The following USP50 variants were observed in gnomAD, a reference collection of about 807,000 sequenced individuals.
USP50 encodes ubiquitin carboxyl-terminal hydrolase 50.
A neutral mutation model predicts 39.2 loss-of-function variants in USP50; 37 were observed. The ratio of observed to expected loss-of-function variants is 0.94; its 90% CI spans 0.73 to 1.24. The LOEUF (loss-of-function observed/expected upper bound fraction) is 1.24, where lower values mean the gene tolerates loss of function less well. USP50 is among the 50% of genes most tolerant of loss of function. The pLI is 0.00. For synonymous variants in USP50, 139 were observed against 144.5 expected (o/e 0.96, Z 0.27); for missense variants, 374 against 398.2 (o/e 0.94, Z 0.52).
At chr15:50,495,802 T>C (rs779094957), downstream of USP50, 2 of 1,439,158 alleles carry the variant, frequency 1.4e-6, no homozygotes, top group South Asian at 2.5e-5. Flanking sequence ...AATTTAAATG[T>C]TTTCTTTGAG....
At chr15:50,494,015 T>C (rs1173839897), downstream of USP50, 1 of 1,574,988 alleles carries the variant, frequency 6.3e-7, no homozygotes, top group Non-Finnish European at 8.7e-7. Flanking sequence ...TACTGTACCT[T>C]GCTTAACTTT....
chr15:50,493,081 G>A (rs1467552352), downstream of USP50: 11 of 763,700 alleles, frequency 1.4e-5, no homozygotes, highest in South Asian at 8.7e-5. Context: ...GAAGGCCATC[G>A]TCTAGGTGCC....
chr15:50,515,652 G>GTATATATA (rs35695423), intron 6 of USP50, among the ~76,000 whole-genome samples: 1 of 147,570 alleles, frequency 6.8e-6, no homozygotes, highest in African/African-American at 2.5e-5. Context: ...ATATATATGT[G>GTATATATA]TATATATATA....
At chr15:50,539,495 C>A (rs1411536069) in intron 4 of USP50, among the ~76,000 whole-genome samples, 1 of 151,410 alleles carries the variant, frequency 6.6e-6, no homozygotes, top group East Asian at 1.9e-4. Flanking sequence ...TGGCTCACTG[C>A]AACCTCCACC....
chr15:50,519,323 C>G (rs534540327), intron 6 of USP50, among the ~76,000 whole-genome samples: 15 of 151,952 alleles, frequency 9.9e-5, no homozygotes, highest in African/African-American at 3.4e-4. Flanking sequence ...AAAAAGTGTG[C>G]AAAGGACATG....
chr15:50,532,030 G>A, intron 5 of USP50: 1 of 431,256 alleles, frequency 2.3e-6, no homozygotes, highest in Non-Finnish European at 4.6e-6. Context: ...AAACTGCCGA[G>A]CAGAAACCTC....
In USP50 at chr15:50,538,860, G is replaced by GA. The variant is rs772292665; in HGVS notation, c.661-10dup. The GA allele has an allele frequency of 2.5e-6, 4 of 1,583,302 alleles. No individual in the cohort carries two copies. The highest frequency in any genetic ancestry group is 3.4e-6 in the Non-Finnish European group (4 of 1,167,240). On this transcript the variant is annotated splice_polypyrimidine_tract_variant and intron_variant, in intron 4 of 6. Transcript: ENST00000532404. ...AAACATTGGAGACAGTCCTGTTAAGGAAAAAAAGGATTTGGTGACCAAATT... is the reference window on the plus strand; with the variant it reads ...AAACATTGGAGACAGTCCTGTTAAGGAAAAAAAAGGATTTGGTGACCAAATT...
At position 50,545,636 on chromosome 15, in the gene USP50, A is replaced by G. The variant is rs181626642; in HGVS notation, c.53+837T>C. Among the ~76,000 whole-genome samples the G allele has an allele frequency of 3.3e-5, 5 of 149,540 alleles. No individual in the cohort carries two copies. In the Admixed American group the frequency reaches 3.5e-4, roughly 10 times the overall value. ...ATATGCACATTAAGAGCATGAATAT[A>G]TATATCTTAAGAGCACACATATGTG... On this transcript the variant is annotated intron_variant, in intron 1 of 6. Coordinates refer to ENST00000532404, the MANE Select transcript of USP50 (RefSeq NM_203494.5).
At chr15:50,539,262 C>G (rs1566911517) in intron 4 of USP50, among the ~76,000 whole-genome samples, 1 of 151,524 alleles carries the variant, frequency 6.6e-6, no homozygotes. Context: ...GTGCGCACCA[C>G]CAAGCCCAGC....
intron 6 of USP50, among the ~76,000 whole-genome samples, chr15:50,520,240 T>C (rs567878125): frequency 3.4e-4 from 51 of 151,724 alleles, no homozygotes; most frequent in African/African-American, 1.2e-3. Flanking sequence ...GCCCAGGAAT[T>C]TGCGGTTGTA....
intron 6 of USP50, among the ~76,000 whole-genome samples, chr15:50,525,652 A>G (rs1566907685): frequency 1.2e-5 from 1 of 83,460 alleles, no homozygotes; most frequent in Non-Finnish European, 2.5e-5. Context: ...GTGTATATGT[A>G]TATGTATATA....
chr15:50,528,065 GTTT>G (rs57802702), intron 6 of USP50, among the ~76,000 whole-genome samples: 5 of 128,724 alleles, frequency 3.9e-5, no homozygotes, highest in Non-Finnish European at 6.5e-5. Flanking sequence ...AAAGAACTAA[GTTT>G]TTTTTTTTTT....
chr15:50,536,316 T>C (rs2052979830), intron 5 of USP50, among the ~76,000 whole-genome samples: 1 of 152,196 alleles, frequency 6.6e-6, no homozygotes, highest in Admixed American at 6.5e-5. Flanking sequence ...AAAAGTATAT[T>C]ACACATCAGC....
At chr15:50,532,047 A>G (rs2052944201) in intron 5 of USP50, 3 of 449,444 alleles carry the variant, frequency 6.7e-6, no homozygotes, top group African/African-American at 6.0e-5. Context: ...CCTCTGAGGG[A>G]ACAGGTCTGC....
At chr15:50,535,785 A>G (rs1211345360) in intron 5 of USP50, among the ~76,000 whole-genome samples, 1 of 152,168 alleles carries the variant, frequency 6.6e-6, no homozygotes, top group Non-Finnish European at 1.5e-5. Flanking sequence ...GCATGGTCCT[A>G]GCTACATACC....
intron 3 of USP50, 109 bp from the exon 4 acceptor site, chr15:50,541,373 C>T: frequency 1.2e-6 from 1 of 818,652 alleles, no homozygotes; most frequent in Non-Finnish European, 1.9e-6. Flanking sequence ...ATTAGCTAGG[C>T]ATGGTGGCAC....
chr15:50,519,610 G>C (rs2052831738), intron 6 of USP50, among the ~76,000 whole-genome samples: 1 of 152,054 alleles, frequency 6.6e-6, no homozygotes, highest in African/African-American at 2.4e-5. Flanking sequence ...AGCTACTCAG[G>C]AGGCTGAGGC....
Position 50,546,511 on chromosome 15 carries a change from C to G in USP50, c.15G>C (p.Pro5=), listed in dbSNP as rs755371001. Residue 5 remains proline (P), a synonymous_variant, in exon 1 of 7, where the codon CCG becomes CCC. Coordinates refer to ENST00000532404, the MANE Select transcript of USP50 (RefSeq NM_203494.5). MTSQ[P]SLPADDFDIY... ...TATCGAAGTCATCTGCAGGGAGAGA[C>G]GGCTGAGAAGTCATTTTAATGGAAC... 1.2e-6 allele frequency: 2 copies of G among 1,613,630 alleles called. No individual in the cohort carries two copies. The highest frequency in any genetic ancestry group is 2.2e-5 in the South Asian group (2 of 91,076).
chr15:50,494,561 C>T (rs2052299973), intron 1 of USP50, among the ~76,000 whole-genome samples: 1 of 152,150 alleles, frequency 6.6e-6, no homozygotes, highest in Admixed American at 6.5e-5. Flanking sequence ...AAATCATAAA[C>T]AAATGATCTT....
Sources: allele counts gnomAD v4.1 joint callset (sites outside exome capture counted in the v4.1 genomes callset), GRCh38; gene constraint gnomAD v4.1.1; transcripts MANE v1.5; gene names NCBI Gene and HGNC (gene_info 2026-07-23, HGNC 2026-07-21).